The following SLTM variants were observed in gnomAD, a reference collection of about 807,000 sequenced individuals.
SLTM encodes SAFB-like transcription modulator.
In SLTM, 43 loss-of-function variants were observed where a neutral mutation model predicts 134.6. The ratio of observed to expected loss-of-function variants is 0.32; its 90% CI spans 0.25 to 0.41. SLTM has a LOEUF of 0.41. Among genes scored for constraint, SLTM ranks in the 10% least tolerant of loss-of-function variants. SLTM has a pLI of 1.00. For missense variants in SLTM, 1,055 were observed against 1,288.8 expected (o/e 0.82, Z 2.78); for synonymous variants, 424 against 432.3 (o/e 0.98, Z 0.24).
At position 58,897,145 on chromosome 15, in the gene SLTM, A is replaced by G; in HGVS notation, c.1197T>C (p.Asp399=). ...CATATTTGCCAAAGAGGTTCTTCAA[A>G]TCAGCAGCTTTGGTATTAGATGAAA... is the stretch of plus-strand genomic sequence containing the variant. ...SGLSSNTKAA[D]LKNLFGKYGK... Residue 399 remains aspartate (D), a synonymous_variant, in exon 9 of 21, where the codon GAT becomes GAC. Transcript: ENST00000380516. The G allele has an allele frequency of 1.9e-6, 3 of 1,613,046 alleles. No individual in the cohort carries two copies. Among genetic ancestry groups the G allele is most frequent in the Non-Finnish European group, 2.5e-6 (3 of 1,179,246 alleles).
At chr15:58,896,184 T>C (rs2141008517) in intron 9 of SLTM, among the ~76,000 whole-genome samples, 1 of 152,314 alleles carries the variant, frequency 6.6e-6, no homozygotes, top group East Asian at 1.9e-4. Context: ...CTTTTCCTGA[T>C]GAACTAACCA....
At position 58,893,998 on chromosome 15, in the gene SLTM, C is replaced by A; in HGVS notation, c.1482-11G>T. 4 of 1,602,120 alleles carry A rather than the reference C, an allele frequency of 2.5e-6. No homozygotes were observed. Among genetic ancestry groups the A allele is most frequent in the Non-Finnish European group, 2.5e-6 (3 of 1,177,042 alleles). On this transcript the variant is annotated splice_polypyrimidine_tract_variant and intron_variant, in intron 11 of 20. Coordinates refer to ENST00000380516, the MANE Select transcript of SLTM (RefSeq NM_024755.4). ...ACAGAGGCTTGTGTCCTGACCATAC[C>A]GCCCCAGACAAAAAAACAGAATGAG...
At chr15:58,929,813 C>T (rs867736060) in intron 2 of SLTM, among the ~76,000 whole-genome samples, 1 of 151,994 alleles carries the variant, frequency 6.6e-6, no homozygotes, top group East Asian at 1.9e-4. Flanking sequence ...GTTGGTATGA[C>T]GCATTTAAGC....
rs1416781847 is a variant in SLTM at position 58,894,520 on chromosome 15, T to A, written c.1290A>T (p.Val430=). 1.2e-6 allele frequency: 2 copies of A among 1,614,028 alleles called. No individual in the cohort carries two copies. The highest frequency in any genetic ancestry group is 1.7e-6 in the Non-Finnish European group (2 of 1,180,008). The change falls in exon 10 of 21, where the codon GTA becomes GTT. Residue 430 remains valine, a synonymous_variant. Coordinates refer to ENST00000380516, the MANE Select transcript of SLTM (RefSeq NM_024755.4). ...RSPGAKCYGI[V]TMSSSTEVSR... is the part of the protein sequence containing the mutation. ...ACACCTCTGTGCTTGAAGACATAGTTACAATGCCATAGCATTTTGCCCCAG... is the reference window on the plus strand; with the variant it reads ...ACACCTCTGTGCTTGAAGACATAGTAACAATGCCATAGCATTTTGCCCCAG...
chr15:58,886,669 C>T (rs1342948852), intron 19 of SLTM, among the ~76,000 whole-genome samples: 1 of 152,036 alleles, frequency 6.6e-6, no homozygotes, highest in African/African-American at 2.4e-5. Context: ...GAAATAAAAC[C>T]AAAGTTATCA....
chr15:58,927,010 G>C (rs995741918), intron 2 of SLTM, among the ~76,000 whole-genome samples: 2 of 152,138 alleles, frequency 1.3e-5, no homozygotes, highest in African/African-American at 4.8e-5. Context: ...GCAAGGTTCA[G>C]AGGCTTTTCA....
intron 5 of SLTM, among the ~76,000 whole-genome samples, chr15:58,902,740 T>C (rs1356423126): frequency 6.6e-6 from 1 of 151,450 alleles, no homozygotes; most frequent in Non-Finnish European, 1.5e-5. Flanking sequence ...TTTTTTTTTT[T>C]TGAGACAGAG....
chr15:58,911,001 C>T (rs951012319), intron 5 of SLTM, among the ~76,000 whole-genome samples: 71 of 152,236 alleles, frequency 4.7e-4, no homozygotes, highest in Admixed American at 9.8e-4. Flanking sequence ...GCCTCGGCCT[C>T]CCAAAGTGCT....
chr15:58,889,101 CAA>C (rs1169185185), intron 16 of SLTM: 1 of 224,004 alleles, frequency 4.5e-6, no homozygotes, highest in Non-Finnish European at 8.9e-6. Flanking sequence ...CTTTCAATCT[CAA>C]GTTTATGACT....
At position 58,922,558 on chromosome 15, in the gene SLTM, T is replaced by C. The variant is rs1321696775; in HGVS notation, c.251-5559A>G. On this transcript the variant is annotated intron_variant, in intron 2 of 20. Transcript: ENST00000380516. ...TAATATATTTTATATGTATATAATA[T>C]GTATATAATATATATTATATACGTA... is the stretch of plus-strand genomic sequence containing the variant. 0.019 allele frequency among the ~76,000 whole-genome samples: 112 copies of C among 6,048 alleles called. No homozygotes were observed. The East Asian group carries it at 0.29, about 16-fold the overall frequency. 4.0% of individuals were successfully genotyped at this position (6,048 alleles called of 152,430 possible).
intron 2 of SLTM, among the ~76,000 whole-genome samples, chr15:58,930,090 C>A (rs2037759945): frequency 6.6e-6 from 1 of 151,802 alleles, no homozygotes; most frequent in African/African-American, 2.4e-5. Context: ...TAGAATGAGG[C>A]CTGCTACAAA....
chr15:58,922,498 TTA>T (rs1374065296), intron 2 of SLTM, among the ~76,000 whole-genome samples: 3 of 145,974 alleles, frequency 2.1e-5, no homozygotes, highest in African/African-American at 7.5e-5. Context: ...AATATGCATA[TTA>T]TATATTATAT....
chr15:58,886,410 G>A (rs1288312522), intron 19 of SLTM, among the ~76,000 whole-genome samples: 1 of 151,880 alleles, frequency 6.6e-6, no homozygotes, highest in African/African-American at 2.4e-5. Flanking sequence ...GGGATTACAG[G>A]CGCCCACCAC....
intron 5 of SLTM, among the ~76,000 whole-genome samples, chr15:58,903,101 C>T (rs1311337547): frequency 2.6e-5 from 4 of 151,938 alleles, no homozygotes; most frequent in Non-Finnish European, 4.4e-5. Context: ...GGGGTTTCAC[C>T]ATGTTAGCCA....
At chr15:58,908,205 T>G (rs1487153265) in intron 5 of SLTM, among the ~76,000 whole-genome samples, 3 of 151,146 alleles carry the variant, frequency 2.0e-5, no homozygotes, top group African/African-American at 7.3e-5. Context: ...GGACCACAGG[T>G]GTGCACCACC....
chr15:58,924,861 G>A (rs773540526), intron 2 of SLTM, among the ~76,000 whole-genome samples: 2 of 152,154 alleles, frequency 1.3e-5, no homozygotes, highest in South Asian at 2.1e-4. Context: ...TTGCTCTATC[G>A]CCCAGGGTGG....
At chr15:58,883,872 C>A (rs112196913) in intron 19 of SLTM, 86 bp from the exon 20 acceptor site, 97,615 of 1,459,298 alleles carry the variant, frequency 0.067, 3,658 homozygotes, top group African/African-American at 0.13. Flanking sequence ...CTGAGGCAGG[C>A]GGATCACCTG....
intron 2 of SLTM, among the ~76,000 whole-genome samples, chr15:58,931,688 A>T (rs115443586): frequency 6.6e-6 from 1 of 152,226 alleles, no homozygotes; most frequent in Non-Finnish European, 1.5e-5. Context: ...CAAAACGTTC[A>T]TTTAAAACCA....
chr15:58,894,362 T>G lies in SLTM; in HGVS notation c.1377+71A>C, dbSNP rs188465593. ...CACTGCAAATTCTACTCCCTGCTAC[T>G]GTTAACAGCTATGAGTTGAGAACTA... On this transcript the variant is annotated intron_variant, in intron 10 of 20. Coordinates refer to ENST00000380516, the MANE Select transcript of SLTM (RefSeq NM_024755.4). 2.7e-4 allele frequency: 419 copies of G among 1,553,692 alleles called. 2 individuals carry two copies. The East Asian group carries it at 6.9e-3, about 26-fold the overall frequency.
Sources: gnomAD v4.1 joint callset for allele counts (sites outside exome capture counted in the v4.1 genomes callset) on GRCh38, gnomAD v4.1.1 for gene constraint, MANE v1.5 for transcripts, NCBI Gene and HGNC (gene_info 2026-07-23, HGNC 2026-07-21) for gene names.